ARPIN: variants seen among roughly 807,000 people sequenced by gnomAD.
ARPIN encodes the protein UPF0552 protein C15orf38.
A neutral mutation model predicts 25.9 loss-of-function variants in ARPIN; 23 were observed. The ratio of observed to expected loss-of-function variants is 0.89; its 90% CI spans 0.64 to 1.26. The LOEUF is 1.26. ARPIN is among the 50% of genes most tolerant of loss of function. The pLI is 0.00. For synonymous variants in ARPIN, 126 were observed against 131.4 expected (o/e 0.96, Z 0.28); for missense variants, 333 against 312.2 (o/e 1.07, Z -0.50).
Position 89,904,007 on chromosome 15 carries a change from G to T in ARPIN, c.302-24C>A, listed in dbSNP as rs760701923. 7.0e-6 allele frequency: 11 copies of T among 1,578,640 alleles called. No homozygotes were observed. The African/African-American group carries it at 1.1e-4, about 15-fold the overall frequency. ...CTCTGCAGGCACAGAGCGCAGGAGG[G>T]TCATTATCACTGTGGCAGCAAGAAC... is the stretch of plus-strand genomic sequence containing the variant. On this transcript the variant is annotated intron_variant, in intron 3 of 5. Transcript: ENST00000357484.
At chr15:89,903,638 A>G (rs1428831234) in intron 4 of ARPIN, 139 bp downstream of exon 4, 1 of 1,411,196 alleles carries the variant, frequency 7.1e-7, no homozygotes, top group African/African-American at 1.4e-5. Context: ...GGGATTTAGG[A>G]GTAAATCTCA....
chr15:89,909,158 A>G (rs1401168924), intron 2 of ARPIN, among the ~76,000 whole-genome samples: 1 of 152,206 alleles, frequency 6.6e-6, no homozygotes, highest in African/African-American at 2.4e-5. Flanking sequence ...CAGTTTCCCC[A>G]TCACATGGGG....
chr15:89,905,576 A>G (rs562672571), intron 3 of ARPIN, among the ~76,000 whole-genome samples: 1 of 151,692 alleles, frequency 6.6e-6, no homozygotes, highest in South Asian at 2.1e-4. Flanking sequence ...TAACCTGCAA[A>G]CTTCTTGGAT....
At position 89,896,273 on chromosome 15, in the gene ARPIN, A is replaced by T. The variant is rs947975055; in HGVS notation, c.*5522T>A. On this transcript the variant is annotated 3_prime_UTR_variant, in exon 6 of 6. Coordinates refer to ENST00000357484, the MANE Select transcript of ARPIN (RefSeq NM_182616.4). ...GTTTAAAATGTTGAGGAAGAATATC[A>T]AAGAAAATTCTGAAACAGAATTATG... 3 of 152,258 alleles carry T rather than the reference A, an allele frequency of 2.0e-5. No homozygotes were observed. The highest frequency in any genetic ancestry group is 7.2e-5 in the African/African-American group (3 of 41,468). 9.4% of individuals were successfully genotyped at this position (152,258 alleles called of 1,614,324 possible). A position where few individuals can be genotyped will look rare whatever the true frequency, so the allele number is the denominator to read the frequency against.
At chr15:89,902,850 G>A in intron 5 of ARPIN, 3 of 1,175,502 alleles carry the variant, frequency 2.6e-6, no homozygotes, top group South Asian at 2.0e-5. Context: ...CAAACCAAAG[G>A]AGGAAAAACT....
At position 89,897,439 on chromosome 15, in the gene ARPIN, CGCGCCATT is replaced by C. The variant is rs2141913479; in HGVS notation, c.*4348_*4355del. 1 of 152,294 alleles carries C rather than the reference CGCGCCATT, an allele frequency of 6.6e-6. No individual in the cohort carries two copies. The highest frequency in any genetic ancestry group is 1.5e-5 in the Non-Finnish European group (1 of 68,128). 9.4% of individuals were successfully genotyped at this position (152,294 alleles called of 1,614,324 possible). ...GGCAGAGGTTGCAGTGGGCCAAGATCGCGCCATTGCACTCCAGCCTGGGCAACAAGAGC... is the reference window on the plus strand; with the variant it reads ...GGCAGAGGTTGCAGTGGGCCAAGATCGCACTCCAGCCTGGGCAACAAGAGC... On this transcript the variant is annotated 3_prime_UTR_variant, in exon 6 of 6. Transcript: ENST00000357484.
Position 89,912,889 on chromosome 15 carries a change from G to C in ARPIN, c.-54C>G. ...AGAGCCGGCGCACTGGGCTGGGGGC[G>C]CGGCGCGGGAAGTGCTGCAGGACGC... On this transcript the variant is annotated 5_prime_UTR_variant, in exon 1 of 6. Transcript: ENST00000357484. 6.8e-7 allele frequency: 1 copy of C among 1,469,354 alleles called. No homozygotes were observed. The highest frequency in any genetic ancestry group is 9.0e-7 in the Non-Finnish European group (1 of 1,117,068). The allele number at this position is 1,469,354 out of a possible 1,614,324, so 91.0% of individuals were successfully genotyped here.
At chr15:89,903,756 A>G (rs1897066390) in intron 4 of ARPIN, 21 bp downstream of exon 4, 2 of 1,613,424 alleles carry the variant, frequency 1.2e-6, no homozygotes, top group Non-Finnish European at 1.7e-6. Flanking sequence ...AGTGGGCCAC[A>G]GTGAGGGTTG....
At chr15:89,911,302 T>C (rs1481229689) in intron 1 of ARPIN, among the ~76,000 whole-genome samples, 1 of 152,208 alleles carries the variant, frequency 6.6e-6, no homozygotes, top group Non-Finnish European at 1.5e-5. Flanking sequence ...CCTTTTCTCA[T>C]TCATATCCAG....
At chr15:89,904,118 C>G in intron 3 of ARPIN, 135 bp from the exon 4 acceptor site, 1 of 1,104,688 alleles carries the variant, frequency 9.1e-7, no homozygotes, top group Non-Finnish European at 1.3e-6. Context: ...GCCCATTCTG[C>G]GAGTCCTCAT....
intron 5 of ARPIN, among the ~76,000 whole-genome samples, chr15:89,902,268 C>T (rs568660077): frequency 5.3e-4 from 80 of 151,964 alleles, no homozygotes; most frequent in Non-Finnish European, 2.8e-4. Context: ...ATTAGCCAGG[C>T]ATGGTGGCGC....
intron 3 of ARPIN, among the ~76,000 whole-genome samples, chr15:89,906,298 A>C (rs966209527): frequency 6.6e-6 from 1 of 152,182 alleles, no homozygotes; most frequent in Admixed American, 6.5e-5. Flanking sequence ...CCTTGGTTAG[A>C]GTTGAGCTCC....
At chr15:89,909,738 T>C (rs1210789914) in intron 2 of ARPIN, among the ~76,000 whole-genome samples, 1 of 152,008 alleles carries the variant, frequency 6.6e-6, no homozygotes, top group African/African-American at 2.4e-5. Flanking sequence ...TGAGGGCCCA[T>C]CTCAGGTAAG....
At chr15:89,908,147 T>C in intron 3 of ARPIN, 133 bp downstream of exon 3, 2 of 1,425,608 alleles carry the variant, frequency 1.4e-6, no homozygotes, top group South Asian at 2.9e-5. Flanking sequence ...TGTGGAAGCC[T>C]CAGGCCACAT....
At position 89,900,013 on chromosome 15, in the gene ARPIN, T is replaced by A. The variant is rs188665997; in HGVS notation, c.*1782A>T. The A allele has an allele frequency of 1.3e-5, 2 of 152,358 alleles. No homozygotes were observed. Among genetic ancestry groups the A allele is most frequent in the Admixed American group, 6.5e-5 (1 of 15,286 alleles). The allele number at this position is 152,358 out of a possible 1,614,324, so 9.4% of individuals were successfully genotyped here. On this transcript the variant is annotated 3_prime_UTR_variant, in exon 6 of 6. Coordinates refer to ENST00000357484, the MANE Select transcript of ARPIN (RefSeq NM_182616.4). Reference sequence around the variant, plus strand: ...CCTCCTTGTTTGGAATGGTGACCTGTCCATATAAGTGTGCCATACCCTTTG... The same window carrying A: ...CCTCCTTGTTTGGAATGGTGACCTGACCATATAAGTGTGCCATACCCTTTG...
chr15:89,912,126 TGCC>T, intron 1 of ARPIN: 1 of 909,302 alleles, frequency 1.1e-6, no homozygotes, highest in African/African-American at 1.8e-5. Context: ...TGGTCTGTTC[TGCC>T]GTTTCTATGG....
chr15:89,910,688 T>G, intron 2 of ARPIN, 56 bp downstream of exon 2: 2 of 1,609,554 alleles, frequency 1.2e-6, no homozygotes, highest in Non-Finnish European at 1.7e-6. Flanking sequence ...GATGCCACAG[T>G]GGATGATGAC....
chr15:89,906,071 G>C (rs1897115626), intron 3 of ARPIN, among the ~76,000 whole-genome samples: 2 of 152,106 alleles, frequency 1.3e-5, no homozygotes, highest in African/African-American at 4.8e-5. Context: ...CCAACACTGA[G>C]GCCACTGTGC....
rs768740199 is a variant in ARPIN, at chr15:89,904,002, G to A, written c.302-19C>T. 38 of 1,590,436 alleles carry A rather than the reference G, an allele frequency of 2.4e-5. No homozygotes were observed. Among genetic ancestry groups the A allele is most frequent in the Non-Finnish European group, 3.1e-5 (36 of 1,170,698 alleles). On this transcript the variant is annotated intron_variant, in intron 3 of 5. Transcript: ENST00000357484. ...TCCACCTCTGCAGGCACAGAGCGCA[G>A]GAGGGTCATTATCACTGTGGCAGCA...
Sources: gnomAD v4.1 joint callset for allele counts (sites outside exome capture counted in the v4.1 genomes callset) on GRCh38, gnomAD v4.1.1 for gene constraint, MANE v1.5 for transcripts, NCBI Gene and HGNC (gene_info 2026-07-23, HGNC 2026-07-21) for gene names.